Variants in PATJ observed in about 807,000 individuals in gnomAD.
PATJ encodes inaD-like protein.
In PATJ, 190 loss-of-function variants were observed where a neutral mutation model predicts 224.9. The observed-to-expected ratio is 0.84, with a 90% CI of 0.75 to 0.95. The LOEUF (loss-of-function observed/expected upper bound fraction) is 0.95, where lower values mean the gene tolerates loss of function less well. Ranked by LOEUF, PATJ falls within the 40% of genes least tolerant of loss-of-function variation. The probability of loss-of-function intolerance (pLI) is 0.00; values close to 1 mark genes in which losing one functional copy is unlikely to be tolerated. For missense variants in PATJ, 2,121 were observed against 2,270.3 expected, an observed-to-expected ratio of 0.93 and a Z score of 1.34; for synonymous variants, 769 against 820.3, an observed-to-expected ratio of 0.94 and a Z score of 1.07.
intron 6 of PATJ, 110 bp downstream of exon 6, chr1:61,771,736 T>A: frequency 1.2e-6 from 1 of 810,308 alleles, no homozygotes; most frequent in Non-Finnish European, 1.8e-6. Flanking sequence ...TTTTTTTTTT[T>A]GAGATGGAGT....
chr1:61,844,841 TTC>T (rs1661671736), intron 17 of PATJ, among the ~76,000 whole-genome samples: 6 of 151,992 alleles, frequency 3.9e-5, no homozygotes, highest in Admixed American at 3.9e-4. Flanking sequence ...TCCCCCCTCA[TTC>T]TCTCTCTCTC....
chr1:61,834,622 G>C (rs977870522), intron 17 of PATJ, among the ~76,000 whole-genome samples: 3 of 152,028 alleles, frequency 2.0e-5, no homozygotes, highest in African/African-American at 7.2e-5. Flanking sequence ...AAAGCAAAAT[G>C]TACTCTGTTA....
In PATJ at chr1:61,948,732, A is replaced by G. The variant is rs192934101; in HGVS notation, c.3670+20903A>G. Among the ~76,000 whole-genome samples, 20 of 152,320 alleles carry G rather than the reference A, an allele frequency of 1.3e-4. 1 individual carries two copies. Among genetic ancestry groups the G allele is most frequent in the African/African-American group, 4.8e-4 (20 of 41,580 alleles). Reference sequence around the variant, plus strand: ...TTACTGGGCATATACCCAAAGGACTATAAATCATGCTGCTATAAAGACACT... The same window carrying G: ...TTACTGGGCATATACCCAAAGGACTGTAAATCATGCTGCTATAAAGACACT... On this transcript the variant is annotated intron_variant, in intron 27 of 43. Coordinates refer to ENST00000642238, the MANE Select transcript of PATJ (RefSeq NM_001350145.3).
chr1:62,153,552 C>T, intron 43 of PATJ, 71 bp downstream of exon 43: 2 of 1,014,806 alleles, frequency 2.0e-6, no homozygotes, highest in African/African-American at 1.7e-5. Context: ...AAGTGCTTTG[C>T]TTTGCTTTAC....
chr1:61,876,297 T>C (rs375861953), intron 21 of PATJ, among the ~76,000 whole-genome samples: 1 of 152,166 alleles, frequency 6.6e-6, no homozygotes, highest in East Asian at 1.9e-4. Flanking sequence ...TTTAAATATC[T>C]AAGATTAGAT....
intron 28 of PATJ, among the ~76,000 whole-genome samples, chr1:62,004,631 T>G (rs12069935): frequency 0.03 from 4,539 of 152,296 alleles, 208 homozygotes; most frequent in African/African-American, 0.1. Flanking sequence ...TTTCTCCATC[T>G]ATATAATGAC....
chr1:61,828,050 C>A (rs1430165947), intron 16 of PATJ, among the ~76,000 whole-genome samples: 1 of 151,932 alleles, frequency 6.6e-6, no homozygotes, highest in Non-Finnish European at 1.5e-5. Context: ...AGTTGGAGAC[C>A]AGCCTGACCA....
At chr1:61,920,635 C>T (rs1052635276) in intron 26 of PATJ, among the ~76,000 whole-genome samples, 4 of 150,556 alleles carry the variant, frequency 2.7e-5, no homozygotes, top group Admixed American at 1.3e-4. Flanking sequence ...GGTTGGAATT[C>T]GTTAAGCCAC....
chr1:61,811,836 T>A (rs1317527222), intron 14 of PATJ, among the ~76,000 whole-genome samples: 1 of 149,600 alleles, frequency 6.7e-6, no homozygotes, highest in East Asian at 2.0e-4. Context: ...CCGAGGTGGG[T>A]GGATCACGAG....
intron 33 of PATJ, among the ~76,000 whole-genome samples, chr1:62,098,981 C>G (rs765243969): frequency 3.4e-4 from 52 of 151,950 alleles, no homozygotes; most frequent in Non-Finnish European, 6.6e-4. Flanking sequence ...AAAGTTTTAA[C>G]CTAACCCTTT....
chr1:62,152,804 A>T (rs927067960), intron 42 of PATJ, among the ~76,000 whole-genome samples: 2 of 152,148 alleles, frequency 1.3e-5, no homozygotes, highest in Non-Finnish European at 1.5e-5. Context: ...TGCTTCAAGG[A>T]TGTGACGACA....
At chr1:62,156,990 T>C (rs1357695731) in intron 43 of PATJ, among the ~76,000 whole-genome samples, 1 of 151,256 alleles carries the variant, frequency 6.6e-6, no homozygotes, top group Non-Finnish European at 1.5e-5. Context: ...AAAATTCCTG[T>C]GGGGGAAATG....
intron 26 of PATJ, among the ~76,000 whole-genome samples, chr1:61,920,605 TA>T (rs1247013027): frequency 6.6e-6 from 1 of 152,170 alleles, no homozygotes; most frequent in East Asian, 1.9e-4. Context: ...ACTTTCTTTT[TA>T]TATTTGCCTG....
intron 29 of PATJ, among the ~76,000 whole-genome samples, chr1:62,032,241 G>T (rs77178273): frequency 6.6e-6 from 1 of 152,090 alleles, no homozygotes; most frequent in Non-Finnish European, 1.5e-5. Flanking sequence ...AGCTCCTAGA[G>T]GTCCCCCACA....
intron 30 of PATJ, among the ~76,000 whole-genome samples, chr1:62,045,206 C>T (rs1185537816): frequency 6.6e-6 from 1 of 151,284 alleles, no homozygotes; most frequent in African/African-American, 2.4e-5. Flanking sequence ...GGGCAACAAC[C>T]GTGAAACTCC....
chr1:61,913,004 A>G (rs1672915020), intron 25 of PATJ, among the ~76,000 whole-genome samples: 1 of 152,208 alleles, frequency 6.6e-6, no homozygotes, highest in Non-Finnish European at 1.5e-5. Context: ...GCCTCTTCAC[A>G]TAGCACTGTA....
chr1:62,087,892 A>C (rs1285851881), intron 33 of PATJ, among the ~76,000 whole-genome samples: 1 of 140,552 alleles, frequency 7.1e-6, no homozygotes, highest in Non-Finnish European at 1.5e-5. Context: ...AATTCTTTGT[A>C]ATTTTTTTTT....
intron 33 of PATJ, among the ~76,000 whole-genome samples, chr1:62,098,762 A>T (rs1266056598): frequency 6.6e-6 from 1 of 152,238 alleles, no homozygotes; most frequent in Non-Finnish European, 1.5e-5. Flanking sequence ...ACATTTTTTT[A>T]AAATCACATT....
At chr1:61,827,292 C>T (rs573957562) in intron 15 of PATJ, 130 bp from the exon 16 acceptor site, 6 of 682,706 alleles carry the variant, frequency 8.8e-6, no homozygotes, top group African/African-American at 7.2e-5. Flanking sequence ...ATGATGAAAG[C>T]GAGGCCCCTT....
Sources: gnomAD v4.1 joint callset for allele counts (sites outside exome capture counted in the v4.1 genomes callset) on GRCh38, gnomAD v4.1.1 for gene constraint, MANE v1.5 for transcripts, NCBI Gene and HGNC (gene_info 2026-07-23, HGNC 2026-07-21) for gene names.